Variants in EBF3 observed in about 807,000 individuals in gnomAD.
EBF3 encodes the protein EBF transcription factor 3.
In EBF3, 18 loss-of-function variants were observed where a neutral mutation model predicts 77.1. That is an observed-to-expected ratio of 0.23 (90% CI 0.16 to 0.35). The LOEUF is 0.35. Among genes scored for constraint, EBF3 ranks in the 10% least tolerant of loss-of-function variants. The probability of loss-of-function intolerance (pLI) is 1.00; values close to 1 mark genes in which losing one functional copy is unlikely to be tolerated. For missense variants in EBF3, 558 were observed against 860.0 expected, an observed-to-expected ratio of 0.65 and a Z score of 4.39; for synonymous variants, 350 against 343.5, an observed-to-expected ratio of 1.02 and a Z score of -0.21.
intron 6 of EBF3, among the ~76,000 whole-genome samples, chr10:129,945,350 C>A (rs1041162451): frequency 3.3e-5 from 5 of 152,224 alleles, no homozygotes; most frequent in Non-Finnish European, 5.9e-5. Context: ...TCGGGAGAAC[C>A]CTAACCGATT....
intron 6 of EBF3, among the ~76,000 whole-genome samples, chr10:129,878,648 C>T (rs1852959099): frequency 8.1e-6 from 1 of 124,126 alleles, no homozygotes; most frequent in African/African-American, 3.1e-5. Context: ...GTTGACAGCT[C>T]AAGGCTCTGT....
chr10:129,921,715 G>A (rs1053819448), intron 6 of EBF3, among the ~76,000 whole-genome samples: 13 of 152,212 alleles, frequency 8.5e-5, no homozygotes, highest in Non-Finnish European at 1.2e-4. Flanking sequence ...AGGACCCCTG[G>A]GGGTTGTCCC....
In EBF3 at chr10:129,841,785, T is replaced by C. The variant is rs533001197; in HGVS notation, c.1372+331A>G. Among the ~76,000 whole-genome samples, 15 of 152,246 alleles carry C rather than the reference T, an allele frequency of 9.9e-5. No homozygotes were observed. Among genetic ancestry groups the C allele is most frequent in the African/African-American group, 3.6e-4 (15 of 41,552 alleles). ...AGGCTCCCCTCAGCTCCCTAGGCCA[T>C]GGCTATCCTATGGCTTAGCCCAGAC... is the stretch of plus-strand genomic sequence containing the variant. On this transcript the variant is annotated intron_variant, in intron 13 of 16. Coordinates refer to ENST00000440978, the MANE Select transcript of EBF3 (RefSeq NM_001375380.1). The surrounding 1 kb of genome is among the most constrained non-coding windows in gnomAD (Gnocchi z 4.6).
chr10:129,866,500 T>C (rs1852022396), intron 10 of EBF3, among the ~76,000 whole-genome samples: 1 of 152,218 alleles, frequency 6.6e-6, no homozygotes, highest in Non-Finnish European at 1.5e-5. Flanking sequence ...AAGCATTGTA[T>C]AGAACAACTG....
At chr10:129,899,074 C>T (rs558758903) in intron 6 of EBF3, among the ~76,000 whole-genome samples, 12 of 152,392 alleles carry the variant, frequency 7.9e-5, no homozygotes, top group African/African-American at 2.9e-4. Context: ...CTGTCTCCTC[C>T]TGCCTCCGCG....
In EBF3 at chr10:129,963,748, A is replaced by G; in HGVS notation, c.21T>C (p.Asn7=). 1 of 1,526,242 alleles carries G rather than the reference A, an allele frequency of 6.6e-7. No individual in the cohort carries two copies. The highest frequency in any genetic ancestry group is 8.9e-7 in the Non-Finnish European group (1 of 1,128,490). The allele number at this position is 1,526,242 out of a possible 1,614,324, so 94.5% of individuals were successfully genotyped here. ...TCATGGTCGTCCCCCCGCGCGGAAT[A>G]TTCTCCTGAATCCCAAACATGAAAA... MFGIQE[N]IPRGGTTMKE... Residue 7 remains asparagine (N), a synonymous_variant, in exon 1 of 17, where the codon AAT becomes AAC. Coordinates refer to ENST00000440978, the MANE Select transcript of EBF3 (RefSeq NM_001375380.1). The surrounding 1 kb of genome is among the most constrained non-coding windows in gnomAD (Gnocchi z 7.1).
chr10:129,860,875 G>A (rs776276579), intron 10 of EBF3, among the ~76,000 whole-genome samples: 15 of 152,228 alleles, frequency 9.9e-5, no homozygotes, highest in Non-Finnish European at 2.2e-4. Flanking sequence ...ATTTTCAGAT[G>A]ATGAATGGAA....
chr10:129,867,746 G>A (rs1456539990), intron 9 of EBF3, 36 bp downstream of exon 9: 2 of 1,610,628 alleles, frequency 1.2e-6, no homozygotes, highest in East Asian at 4.5e-5. Flanking sequence ...CATGAAGACA[G>A]CAACAGCGCG....
chr10:129,917,679 A>AAAAAAAAAAAAAAAAAC (rs1564887155), intron 6 of EBF3, among the ~76,000 whole-genome samples: 1 of 141,980 alleles, frequency 7.0e-6, no homozygotes, highest in Non-Finnish European at 1.5e-5. Flanking sequence ...AAAAAAAAAA[A>AAAAAAAAAAAAAAAAAC]CTAAAACCAA....
At chr10:129,910,995 T>C (rs7905162) in intron 6 of EBF3, among the ~76,000 whole-genome samples, 125,058 of 152,228 alleles carry the variant, frequency 0.82, 51,677 homozygotes, top group East Asian at 0.95. Context: ...AGGCTCCGGA[T>C]CCAGCACCAA....
intron 6 of EBF3, among the ~76,000 whole-genome samples, chr10:129,882,247 T>G (rs1187608061): frequency 2.6e-5 from 4 of 152,270 alleles, no homozygotes; most frequent in Non-Finnish European, 5.9e-5. Context: ...CATTATGAAC[T>G]GTTTAAATTC....
rs527518907 is a variant in EBF3 at position 129,944,293 on chromosome 10, C to T, written c.554+12965G>A. 1.2e-4 allele frequency among the ~76,000 whole-genome samples: 18 copies of T among 152,286 alleles called. No homozygotes were observed. The South Asian group carries it at 3.7e-3, about 32-fold the overall frequency. On this transcript the variant is annotated intron_variant, in intron 6 of 16. Coordinates refer to ENST00000440978, the MANE Select transcript of EBF3 (RefSeq NM_001375380.1). The surrounding 1 kb of genome is among the most constrained non-coding windows in gnomAD (Gnocchi z 5.1). Reference sequence around the variant, plus strand: ...GGTCAATGAGGGGAACACCAGAGTGCACTGCCTTCAGAATATTGGCTTGGT... The same window carrying T: ...GGTCAATGAGGGGAACACCAGAGTGTACTGCCTTCAGAATATTGGCTTGGT...
intron 6 of EBF3, among the ~76,000 whole-genome samples, chr10:129,928,636 G>C (rs1856822581): frequency 6.6e-6 from 1 of 152,198 alleles, no homozygotes; most frequent in Non-Finnish European, 1.5e-5. Context: ...TGTGGATTCT[G>C]TGTGCAAACT....
In EBF3 at chr10:129,879,443, A is replaced by G. The variant is rs1339098219; in HGVS notation, c.555-1594T>C. ...TCCTCGCTGGCAATTAGAATATCAG[A>G]AAATGAAAACACTCAACGGACCAAG... On this transcript the variant is annotated intron_variant, in intron 6 of 16. Transcript: ENST00000440978. The surrounding 1 kb of genome is among the most constrained non-coding windows in gnomAD (Gnocchi z 4.7). Among the ~76,000 whole-genome samples the G allele has an allele frequency of 6.6e-6, 1 of 152,216 alleles. No homozygotes were observed. Among genetic ancestry groups the G allele is most frequent in the Non-Finnish European group, 1.5e-5 (1 of 68,042 alleles).
At position 129,870,430 on chromosome 10, in the gene EBF3, C is replaced by A. The variant is rs1275394609; in HGVS notation, c.782-2518G>T. On this transcript the variant is annotated intron_variant, in intron 8 of 16. Coordinates refer to ENST00000440978, the MANE Select transcript of EBF3 (RefSeq NM_001375380.1). This position sits in a 1 kb window ranked among gnomAD's most constrained non-coding sequence, Gnocchi z 4.4. ...ACTCCCCATCTCTTTCCCGGCCTGG[C>A]CCTGTGATGGGAGGCATCCCTGAAG... 6.6e-6 allele frequency among the ~76,000 whole-genome samples: 1 copy of A among 151,998 alleles called. No homozygotes were observed. The highest frequency in any genetic ancestry group is 1.5e-5 in the Non-Finnish European group (1 of 67,998).
chr10:129,946,301 A>C (rs531504525), intron 6 of EBF3, among the ~76,000 whole-genome samples: 12 of 152,332 alleles, frequency 7.9e-5, no homozygotes, highest in African/African-American at 2.2e-4. Context: ...TACTGCTCAC[A>C]GTCTAATAAA....
Position 129,943,103 on chromosome 10 carries a change from C to G in EBF3, c.554+14155G>C, listed in dbSNP as rs1176382103. On this transcript the variant is annotated intron_variant, in intron 6 of 16. Transcript: ENST00000440978. This position sits in a 1 kb window ranked among gnomAD's most constrained non-coding sequence, Gnocchi z 8.8. The stretch of plus-strand genomic sequence containing the variant: ...GCCTGCACGATGGGAATGACTGGAT[C>G]ACTCCACCGGCTGCTCAAGAAGCCA... Among the ~76,000 whole-genome samples, 2 of 152,336 alleles carry G rather than the reference C, an allele frequency of 1.3e-5. No individual in the cohort carries two copies. Among genetic ancestry groups the G allele is most frequent in the South Asian group, 4.1e-4 (2 of 4,830 alleles).
intron 11 of EBF3, among the ~76,000 whole-genome samples, chr10:129,843,799 A>C (rs943311743): frequency 1.3e-5 from 2 of 152,206 alleles, no homozygotes; most frequent in African/African-American, 4.8e-5. Context: ...GAAATTTTTC[A>C]ATTAACCTCT....
At chr10:129,951,723 G>A (rs1858695899) in intron 6 of EBF3, among the ~76,000 whole-genome samples, 1 of 152,276 alleles carries the variant, frequency 6.6e-6, no homozygotes. Context: ...CACGCAAGCT[G>A]TGACACACAG....
Sources: allele counts gnomAD v4.1 joint callset (sites outside exome capture counted in the v4.1 genomes callset), GRCh38; gene constraint gnomAD v4.1.1; non-coding constraint Gnocchi (gnomAD v3.1); transcripts MANE v1.5; gene names NCBI Gene and HGNC (gene_info 2026-07-23, HGNC 2026-07-21).